Variants in NEBL observed in about 807,000 individuals in gnomAD.
The protein encoded by NEBL is LIM and SH3 protein 2.
In NEBL, 122 loss-of-function variants were observed where a neutral mutation model predicts 140.2. The ratio of observed to expected loss-of-function variants is 0.87; its 90% CI spans 0.75 to 1.01. The LOEUF (loss-of-function observed/expected upper bound fraction) is 1.01, where lower values mean the gene tolerates loss of function less well. Among genes scored for constraint, NEBL ranks in the 50% least tolerant of loss-of-function variants. The pLI, the probability that NEBL is intolerant of heterozygous loss-of-function variation, is 0.00. For synonymous variants in NEBL, 436 were observed against 398.9 expected (o/e 1.09, Z -1.11); for missense variants, 1,365 against 1,231.3 (o/e 1.11, Z -1.62).
chr10:21,237,383 T>G (rs546676034), intron 3 of NEBL, among the ~76,000 whole-genome samples: 3 of 151,986 alleles, frequency 2.0e-5, no homozygotes, highest in Admixed American at 2.0e-4. Context: ...GTTTGTATTT[T>G]TAGTAGAGAC....
chr10:20,945,719 A>C (rs1057472265), intron 4 of NEBL, among the ~76,000 whole-genome samples: 1 of 152,176 alleles, frequency 6.6e-6, no homozygotes, highest in African/African-American at 2.4e-5. Context: ...GTACCGACAA[A>C]AAGAAACCAA....
rs191144254 is a variant in NEBL at position 21,023,306 on chromosome 10, G to T, written c.165-3105C>A. ...TGTCAAATGTGTTACAGAAAGTTTA[G>T]CCCGTTGAGAGATCCCCTTCATACT... On this transcript the variant is annotated intron_variant, in intron 2 of 6. Transcript: ENST00000417816. Among the ~76,000 whole-genome samples, 422 of 152,254 alleles carry T rather than the reference G, an allele frequency of 2.8e-3. 3 individuals carry two copies. The highest frequency in any genetic ancestry group is 9.9e-3 in the African/African-American group (411 of 41,536).
intron 11 of NEBL, among the ~76,000 whole-genome samples, chr10:20,849,725 G>A (rs563454190): frequency 4.6e-5 from 7 of 152,212 alleles, no homozygotes; most frequent in East Asian, 3.9e-4. Flanking sequence ...AAATTGCCCC[G>A]TCTGTGGTAT....
At chr10:20,837,549 A>T (rs1301518608) in intron 13 of NEBL, among the ~76,000 whole-genome samples, 6 of 151,852 alleles carry the variant, frequency 4.0e-5, no homozygotes, top group African/African-American at 1.5e-4. Context: ...GCAAGTGCTG[A>T]TGGAGAAGCC....
chr10:21,046,473 T>C (rs1312444907), intron 2 of NEBL, among the ~76,000 whole-genome samples: 1 of 152,220 alleles, frequency 6.6e-6, no homozygotes, highest in Non-Finnish European at 1.5e-5. Context: ...TAAACATACA[T>C]AACTTTTGCT....
chr10:21,066,195 C>A (rs561137483), intron 2 of NEBL, among the ~76,000 whole-genome samples: 440 of 152,298 alleles, frequency 2.9e-3, no homozygotes, highest in Non-Finnish European at 5.4e-3. Flanking sequence ...TCCTTCCTAA[C>A]TTGTAAGAAT....
intron 2 of NEBL, among the ~76,000 whole-genome samples, chr10:21,041,993 T>C (rs1437233882): frequency 2.0e-5 from 3 of 152,340 alleles, no homozygotes; most frequent in South Asian, 4.1e-4. Context: ...GATTGCCATC[T>C]TGGTTTTGGT....
chr10:20,795,472 T>A (rs1466744993), intron 26 of NEBL, among the ~76,000 whole-genome samples: 1 of 152,204 alleles, frequency 6.6e-6, no homozygotes, highest in African/African-American at 2.4e-5. Context: ...TAAAGTAGCA[T>A]CATTTCTGAA....
At chr10:21,238,918 C>G (rs1842399659) in intron 3 of NEBL, among the ~76,000 whole-genome samples, 1 of 151,980 alleles carries the variant, frequency 6.6e-6, no homozygotes, top group Admixed American at 6.6e-5. Flanking sequence ...CTTTGGTTAC[C>G]TTGACAACAT....
At chr10:20,856,923 A>G (rs921140114) in intron 9 of NEBL, among the ~76,000 whole-genome samples, 2 of 152,008 alleles carry the variant, frequency 1.3e-5, no homozygotes, top group African/African-American at 2.4e-5. Context: ...CAACCTCCCA[A>G]GTTTAAATGA....
chr10:20,826,565 T>A, intron 17 of NEBL, 26 bp from the exon 18 acceptor site: 1 of 1,537,592 alleles, frequency 6.5e-7, no homozygotes, highest in Non-Finnish European at 9.0e-7. Flanking sequence ...AGGAAAAGAA[T>A]AACTAAGCTT....
intron 3 of NEBL, among the ~76,000 whole-genome samples, chr10:21,008,731 T>G (rs1256244925): frequency 6.6e-6 from 1 of 152,164 alleles, no homozygotes; most frequent in African/African-American, 2.4e-5. Flanking sequence ...CTGTGCCTAA[T>G]TTATAAATTA....
intron 3 of NEBL, among the ~76,000 whole-genome samples, chr10:21,004,071 A>C (rs1734992606): frequency 1.3e-5 from 2 of 152,218 alleles, no homozygotes; most frequent in Admixed American, 1.3e-4. Flanking sequence ...TCTTATACGC[A>C]TACACATAAG....
Position 20,809,792 on chromosome 10 carries a change from A to C in NEBL, c.2611+14T>G, listed in dbSNP as rs1837949483. 2 of 1,575,152 alleles carry C rather than the reference A, an allele frequency of 1.3e-6. No homozygotes were observed. The highest frequency in any genetic ancestry group is 4.5e-5 in the East Asian group (2 of 44,644). On this transcript the variant is annotated intron_variant, in intron 25 of 27. Coordinates refer to ENST00000377122, the MANE Select transcript of NEBL (RefSeq NM_006393.3). ...AAACCACATAAATGGGATGAACTAA[A>C]AAGTGAGTAATACCAGAGAGCATAT... is the stretch of plus-strand genomic sequence containing the variant.
At chr10:21,221,084 T>C (rs1190142879) in intron 3 of NEBL, among the ~76,000 whole-genome samples, 1 of 151,828 alleles carries the variant, frequency 6.6e-6, no homozygotes, top group Non-Finnish European at 1.5e-5. Context: ...AGCCCAGGAG[T>C]TGGAAGCTTC....
At chr10:21,284,036 T>TAA (rs5783774) in intron 1 of NEBL, among the ~76,000 whole-genome samples, 763 of 67,598 alleles carry the variant, frequency 0.011, 33 homozygotes, top group African/African-American at 0.045. Context: ...TAATCTGCAC[T>TAA]AAAAAAAAAA....
intron 3 of NEBL, among the ~76,000 whole-genome samples, chr10:20,983,625 T>A (rs1487032359): frequency 6.6e-6 from 1 of 152,234 alleles, no homozygotes; most frequent in East Asian, 1.9e-4. Context: ...CGCAGTCTAA[T>A]TGTGTACAAG....
intron 18 of NEBL, among the ~76,000 whole-genome samples, 191 bp downstream of exon 18, chr10:20,826,256 C>T (rs928522674): frequency 6.6e-6 from 1 of 152,090 alleles, no homozygotes; most frequent in Non-Finnish European, 1.5e-5. Context: ...TGAAACACTG[C>T]TTCAGAGTCA....
At chr10:21,090,227 A>T (rs1370112474) in intron 2 of NEBL, among the ~76,000 whole-genome samples, 1 of 152,222 alleles carries the variant, frequency 6.6e-6, no homozygotes, top group Non-Finnish European at 1.5e-5. Context: ...AAAACTACAC[A>T]CAAAGATTCT....
Sources: gnomAD v4.1 joint callset for allele counts (sites outside exome capture counted in the v4.1 genomes callset) on GRCh38, gnomAD v4.1.1 for gene constraint, MANE v1.5 for transcripts, NCBI Gene and HGNC (gene_info 2026-07-23, HGNC 2026-07-21) for gene names.